NADSYN1: variants seen among roughly 807,000 people sequenced by gnomAD.
NADSYN1 encodes glutamine-dependent NAD(+) synthetase.
Under a neutral mutation model 99.3 loss-of-function variants are expected in NADSYN1, and 80 were observed. The ratio of observed to expected loss-of-function variants is 0.81; its 90% confidence interval spans 0.67 to 0.97. The LOEUF (loss-of-function observed/expected upper bound fraction) is 0.97. Among genes scored for constraint, NADSYN1 ranks in the 50% least tolerant of loss-of-function variants. NADSYN1 has a pLI of 0.00. For missense variants in NADSYN1, 859 were observed against 948.5 expected, an observed-to-expected ratio of 0.91 and a Z score of 1.24; for synonymous variants, 385 against 372.1, an observed-to-expected ratio of 1.03 and a Z score of -0.40.
chr11:71,463,527 C>G, intron 4 of NADSYN1, 42 bp downstream of exon 4: 1 of 1,578,962 alleles, frequency 6.3e-7, no homozygotes, highest in Non-Finnish European at 8.7e-7. Context: ...ACTGGGGCCT[C>G]TCCCTGGCTC....
At chr11:71,460,430 A>T (rs998145935) in intron 3 of NADSYN1, among the ~76,000 whole-genome samples, 1 of 152,176 alleles carries the variant, frequency 6.6e-6, no homozygotes, top group African/African-American at 2.4e-5. Flanking sequence ...GGCTCACTGC[A>T]GCCTCGACCT....
At chr11:71,483,362 G>C (rs889610492) in intron 14 of NADSYN1, among the ~76,000 whole-genome samples, 1 of 152,100 alleles carries the variant, frequency 6.6e-6, no homozygotes, top group African/African-American at 2.4e-5. Context: ...TGCAATTTCT[G>C]CCCTTCTGTC....
At chr11:71,469,498 T>C (rs112680284) in intron 5 of NADSYN1, among the ~76,000 whole-genome samples, 4 of 152,350 alleles carry the variant, frequency 2.6e-5, no homozygotes, top group East Asian at 1.9e-4. Context: ...AACAGAGTTT[T>C]ACCCACATAT....
Position 71,498,458 on chromosome 11 carries a change from A to G in NADSYN1, c.2000A>G (p.Asn667Ser). 6 of 1,614,236 alleles carry G rather than the reference A, an allele frequency of 3.7e-6. No homozygotes were observed. Among genetic ancestry groups the G allele is most frequent in the Non-Finnish European group, 5.1e-6 (6 of 1,180,046 alleles). The change falls in exon 20 of 21, where the codon AAC becomes AGC. Residue 667 changes from asparagine to serine, a missense_variant. Coordinates refer to ENST00000319023, the MANE Select transcript of NADSYN1 (RefSeq NM_018161.5). The stretch of plus-strand genomic sequence containing the variant: ...GCCGAGAACTACAGCCCTGAGGACA[A>G]CAGGTTTGATCTGCGACCATTTCTG... ...YHAENYSPEDNRFDLRPFLYN... is the reference protein window; with the variant it reads ...YHAENYSPEDSRFDLRPFLYN...
intron 2 of NADSYN1, among the ~76,000 whole-genome samples, chr11:71,456,560 C>A (rs981198595): frequency 6.6e-6 from 1 of 152,188 alleles, no homozygotes; most frequent in African/African-American, 2.4e-5. Context: ...CAGCCCAGTC[C>A]CCCTGGCCTG....
At chr11:71,465,643 C>A (rs909794801) in intron 5 of NADSYN1, among the ~76,000 whole-genome samples, 2 of 152,188 alleles carry the variant, frequency 1.3e-5, no homozygotes, top group African/African-American at 2.4e-5. Context: ...CCAAAAATGT[C>A]CCCAGACATT....
chr11:71,480,826 A>G lies in NADSYN1; in HGVS notation c.945A>G (p.Ala315=). ...TCTCGTGCCACGAGGACTTGCTGGC[A>G]CCCATCTCTGAGCCCATCGAGTGGA... ...FALSCHEDLL[A]PISEPIEWKY... is the part of the protein sequence containing the mutation. Residue 315 remains alanine, a synonymous_variant, in exon 11 of 21, where the codon GCA becomes GCG. Transcript: ENST00000319023. The G allele has an allele frequency of 6.2e-7, 1 of 1,614,154 alleles. No individual in the cohort carries two copies.
At chr11:71,469,673 C>T (rs1403156510) in intron 5 of NADSYN1, among the ~76,000 whole-genome samples, 4 of 152,206 alleles carry the variant, frequency 2.6e-5, no homozygotes, top group Non-Finnish European at 5.9e-5. Context: ...AGTGGTTTTC[C>T]GCCCTGGGTG....
chr11:71,489,488 GCTCT>G (rs1393774376), intron 16 of NADSYN1, among the ~76,000 whole-genome samples: 1 of 152,216 alleles, frequency 6.6e-6, no homozygotes, highest in Non-Finnish European at 1.5e-5. Context: ...CCCAGACTGT[GCTCT>G]CTGAGTCAGC....
At chr11:71,456,026 CTGTG>C (rs1204690410) in intron 2 of NADSYN1, among the ~76,000 whole-genome samples, 19 of 152,356 alleles carry the variant, frequency 1.2e-4, no homozygotes, top group African/African-American at 4.6e-4. Context: ...CAGCTGCCAT[CTGTG>C]CTCTGCTAGT....
rs183117322 is a variant in NADSYN1, at chr11:71,486,906, C to T, written c.1562+1258C>T. Among the ~76,000 whole-genome samples, 1,246 of 149,430 alleles carry T rather than the reference C, an allele frequency of 8.3e-3. 23 individuals carry two copies. The highest frequency in any genetic ancestry group is 0.029 in the African/African-American group (1,181 of 40,578). ...CTGCAAGTTCCGCCTCCCGGGTTCA[C>T]GCCATTCTCCTGCCTCAGCCTCCCG... On this transcript the variant is annotated intron_variant, in intron 16 of 20. Transcript: ENST00000319023.
rs1949834854 is a variant in NADSYN1, at chr11:71,498,401, A to T, written c.1943A>T (p.His648Leu). 1.2e-6 allele frequency: 2 copies of T among 1,614,228 alleles called. No individual in the cohort carries two copies. The highest frequency in any genetic ancestry group is 8.5e-7 in the Non-Finnish European group (1 of 1,180,038). Reference sequence around the variant, plus strand: ...TTCTCCAAGTACTCCATGAACAGACACAAGATGACCACGCTCACACCCGCG... The same window carrying T: ...TTCTCCAAGTACTCCATGAACAGACTCAAGATGACCACGCTCACACCCGCG... ...RFFSKYSMNR[H>L]KMTTLTPAYH... Residue 648 changes from histidine to leucine, a missense_variant, in exon 20 of 21, where the codon CAC (histidine) becomes CTC (leucine). Physicochemically the swap from His to Leu is moderately conservative, Grantham distance 99. Transcript: ENST00000319023.
chr11:71,465,764 A>G (rs747035673), intron 5 of NADSYN1, among the ~76,000 whole-genome samples: 4 of 152,120 alleles, frequency 2.6e-5, no homozygotes, highest in Non-Finnish European at 5.9e-5. Flanking sequence ...ACTCTTTAAT[A>G]TTATATTTTT....
intron 6 of NADSYN1, among the ~76,000 whole-genome samples, chr11:71,473,017 C>A (rs574891639): frequency 6.6e-6 from 1 of 152,216 alleles, no homozygotes; most frequent in Non-Finnish European, 1.5e-5. Context: ...GCAGCCCCAT[C>A]GATGTCCGTG....
intron 9 of NADSYN1, chr11:71,476,812 G>A (rs7947153): frequency 0.09 from 88,441 of 985,716 alleles, 4,288 homozygotes; most frequent in Non-Finnish European, 0.1. Flanking sequence ...GCAGGTTCCC[G>A]GCCCCACATC....
chr11:71,454,865 G>A (rs536252580), intron 1 of NADSYN1, among the ~76,000 whole-genome samples: 1 of 151,126 alleles, frequency 6.6e-6, no homozygotes, highest in Admixed American at 6.6e-5. Context: ...ATATAAGCAG[G>A]TATATGCAAG....
At chr11:71,497,266 G>A (rs545751484) in intron 18 of NADSYN1, 51 of 553,720 alleles carry the variant, frequency 9.2e-5, no homozygotes, top group Middle Eastern at 1.0e-3. Context: ...CACCCGTTAC[G>A]GTCCTCCAAA....
intron 5 of NADSYN1, among the ~76,000 whole-genome samples, chr11:71,466,920 C>G (rs1456302615): frequency 1.3e-5 from 2 of 152,152 alleles, no homozygotes; most frequent in Admixed American, 6.5e-5. Flanking sequence ...CCAAGGGTTT[C>G]CTACGCCTGG....
At chr11:71,481,851 G>A (rs1453116672) in intron 12 of NADSYN1, 72 bp from the exon 13 acceptor site, 1 of 1,385,770 alleles carries the variant, frequency 7.2e-7, no homozygotes, top group African/African-American at 1.4e-5. Context: ...GTCTATGGGT[G>A]GAGCTTGGCT....
Sources: gnomAD v4.1 joint callset for allele counts (sites outside exome capture counted in the v4.1 genomes callset) on GRCh38, gnomAD v4.1.1 for gene constraint, MANE v1.5 for transcripts, NCBI Gene and HGNC (gene_info 2026-07-23, HGNC 2026-07-21) for gene names.